The following MARCHF1 variants were observed in gnomAD, a reference collection of about 807,000 sequenced individuals.
MARCHF1 encodes membrane associated ring-CH-type finger 1.
MARCHF1 carries 40 observed loss-of-function variants against 54.2 expected under a neutral mutation model. The ratio of observed to expected loss-of-function variants is 0.74; its 90% CI spans 0.57 to 0.96. MARCHF1 has a LOEUF of 0.96. MARCHF1 is among the 40% of genes least tolerant of loss of function. MARCHF1 has a pLI of 0.00. For synonymous variants in MARCHF1, 236 were observed against 236.3 expected, an observed-to-expected ratio of 1.00 and a Z score of 0.01; for missense variants, 586 against 656.5, an observed-to-expected ratio of 0.89 and a Z score of 1.17.
intron 2 of MARCHF1, among the ~76,000 whole-genome samples, chr4:164,079,722 T>A (rs1755055522): frequency 6.6e-6 from 1 of 152,162 alleles, no homozygotes; most frequent in African/African-American, 2.4e-5. Flanking sequence ...TCTACTTGTC[T>A]ATTTCTATTT....
intron 4 of MARCHF1, among the ~76,000 whole-genome samples, chr4:163,776,330 GTCTC>G (rs1050326501): frequency 7.3e-5 from 11 of 151,192 alleles, no homozygotes; most frequent in Admixed American, 2.0e-4. Context: ...CTCTCTTTCT[GTCTC>G]TCTCTCTGTC....
chr4:163,705,917 G>C (rs1261531362), intron 4 of MARCHF1, among the ~76,000 whole-genome samples: 2 of 151,980 alleles, frequency 1.3e-5, no homozygotes, highest in Admixed American at 6.6e-5. Context: ...GAAATCCCAA[G>C]TGTCTCTGGT....
At chr4:163,949,631 G>T (rs1219259098) in intron 3 of MARCHF1, among the ~76,000 whole-genome samples, 1 of 152,184 alleles carries the variant, frequency 6.6e-6, no homozygotes, top group Non-Finnish European at 1.5e-5. Context: ...CAACAGAATA[G>T]CTCAGAGGAG....
chr4:163,805,726 G>T (rs1418846037), intron 4 of MARCHF1, among the ~76,000 whole-genome samples: 1 of 152,038 alleles, frequency 6.6e-6, no homozygotes, highest in African/African-American at 2.4e-5. Flanking sequence ...TGCAGACCTT[G>T]GTGTATTCCA....
chr4:163,797,429 A>G (rs377665799), intron 4 of MARCHF1, among the ~76,000 whole-genome samples: 2 of 151,928 alleles, frequency 1.3e-5, no homozygotes, highest in African/African-American at 4.8e-5. Flanking sequence ...ATTTTCAACA[A>G]TTCTTGAAGT....
intron 1 of MARCHF1, chr4:164,197,512 T>A (rs1731311146): frequency 6.2e-7 from 1 of 1,613,458 alleles, no homozygotes; most frequent in African/African-American, 1.3e-5. Flanking sequence ...TAGTTCAAGC[T>A]TTCTCAACTT....
chr4:163,938,384 C>G (rs1031290524), intron 3 of MARCHF1, among the ~76,000 whole-genome samples: 3 of 152,138 alleles, frequency 2.0e-5, no homozygotes, highest in African/African-American at 7.2e-5. Context: ...GACTGGCTGG[C>G]CCCCATTAGG....
At chr4:164,177,454 G>A (rs1730718732) in intron 1 of MARCHF1, among the ~76,000 whole-genome samples, 2 of 152,038 alleles carry the variant, frequency 1.3e-5, no homozygotes, top group South Asian at 2.1e-4. Flanking sequence ...GCTTGTGAAT[G>A]ACAAAGGAGA....
intron 4 of MARCHF1, among the ~76,000 whole-genome samples, chr4:163,767,519 A>G (rs1747019759): frequency 1.3e-5 from 2 of 151,988 alleles, no homozygotes; most frequent in Admixed American, 1.3e-4. Flanking sequence ...TATTTTTAGT[A>G]GAGACGGGGT....
intron 2 of MARCHF1, among the ~76,000 whole-genome samples, chr4:164,104,951 A>G: frequency 1.6e-5 from 1 of 61,568 alleles, no homozygotes; most frequent in Non-Finnish European, 5.2e-5. Context: ...AAAAATCACA[A>G]GCATTCTTAT....
chr4:164,230,490 G>T (rs180925353), intron 1 of MARCHF1, among the ~76,000 whole-genome samples: 8 of 148,376 alleles, frequency 5.4e-5, no homozygotes, highest in Non-Finnish European at 1.0e-4. Context: ...TCAAATCAGA[G>T]TAATTGAGAT....
intron 3 of MARCHF1, among the ~76,000 whole-genome samples, chr4:163,915,027 G>A (rs1447539591): frequency 1.3e-5 from 2 of 152,132 alleles, no homozygotes; most frequent in African/African-American, 2.4e-5. Context: ...GCAAACTAAG[G>A]TGAGGTCTTT....
rs1222279164 is a variant in MARCHF1 at position 163,566,117 on chromosome 4, G to A, written c.1191+19632C>T. Among the ~76,000 whole-genome samples, 3 of 152,120 alleles carry A rather than the reference G, an allele frequency of 2.0e-5. No homozygotes were observed. The East Asian group carries it at 5.8e-4, about 29-fold the overall frequency. ...CCCTGCTTCTAAAAATCACCATAAA[G>A]CAATTTTGAATGAGAGCTTAGATTT... On this transcript the variant is annotated intron_variant, in intron 8 of 9. Transcript: ENST00000514618.
chr4:164,259,229 T>C (rs557280224), intron 1 of MARCHF1, among the ~76,000 whole-genome samples: 6 of 152,176 alleles, frequency 3.9e-5, no homozygotes, highest in South Asian at 2.1e-4. Context: ...GGTTATTCTG[T>C]TATGATTAAT....
chr4:164,199,709 G>GAC (rs1424892879), intron 1 of MARCHF1, among the ~76,000 whole-genome samples: 5 of 144,244 alleles, frequency 3.5e-5, no homozygotes, highest in African/African-American at 1.3e-4. Flanking sequence ...GAGAGAGAGA[G>GAC]AGAAGAGAGG....
intron 7 of MARCHF1, among the ~76,000 whole-genome samples, chr4:163,603,566 ATGAG>A (rs1741046283): frequency 1.3e-5 from 2 of 152,126 alleles, no homozygotes; most frequent in South Asian, 4.1e-4. Flanking sequence ...CATATAAACA[ATGAG>A]TAATTCTTTA....
intron 5 of MARCHF1, among the ~76,000 whole-genome samples, chr4:163,650,327 T>C (rs1002006828): frequency 2.6e-5 from 4 of 151,944 alleles, no homozygotes; most frequent in Non-Finnish European, 5.9e-5. Flanking sequence ...TAAATATTTA[T>C]ACAATGAAAA....
chr4:163,562,596 C>A (rs1193652835), intron 8 of MARCHF1, among the ~76,000 whole-genome samples: 1 of 152,070 alleles, frequency 6.6e-6, no homozygotes, highest in Non-Finnish European at 1.5e-5. Context: ...CACACTCTCC[C>A]AATCTTTCTC....
In MARCHF1 at chr4:164,134,592, C is replaced by T. The variant is rs531300966; in HGVS notation, c.-322-22930G>A. Among the ~76,000 whole-genome samples the T allele has an allele frequency of 5.9e-5, 9 of 152,144 alleles. No homozygotes were observed. The East Asian group carries it at 1.4e-3, about 23-fold the overall frequency. On this transcript the variant is annotated intron_variant, in intron 1 of 9. Transcript: ENST00000514618. ...TGGCATTTATTTATATTCCTTCTGACGTCACACTCGCCCTCACTCCACAAT... is the reference window on the plus strand; with the variant it reads ...TGGCATTTATTTATATTCCTTCTGATGTCACACTCGCCCTCACTCCACAAT...
Sources: allele counts gnomAD v4.1 joint callset (sites outside exome capture counted in the v4.1 genomes callset), GRCh38; gene constraint gnomAD v4.1.1; transcripts MANE v1.5; gene names NCBI Gene and HGNC (gene_info 2026-07-23, HGNC 2026-07-21).